Variants in GRIP1 observed in about 807,000 individuals in gnomAD.
GRIP1 encodes the protein glutamate receptor-interacting protein 1.
In GRIP1, 45 loss-of-function variants were observed where a neutral mutation model predicts 129.9. The observed-to-expected ratio is 0.35, with a 90% CI of 0.27 to 0.44. The LOEUF is 0.44. Ranked by LOEUF, GRIP1 falls within the 20% of genes least tolerant of loss-of-function variation. The probability of loss-of-function intolerance (pLI) is 1.00; values close to 1 mark genes in which losing one functional copy is unlikely to be tolerated. For missense variants in GRIP1, 1,196 were observed against 1,396.8 expected (o/e 0.86, Z 2.29); for synonymous variants, 530 against 520.8 (o/e 1.02, Z -0.24).
intron 1 of GRIP1, among the ~76,000 whole-genome samples, chr12:67,051,339 G>A (rs1476947973): frequency 1.3e-5 from 2 of 151,220 alleles, no homozygotes; most frequent in East Asian, 2.0e-4. Flanking sequence ...TTTGCAGAGA[G>A]ATTTTTTTTA....
At chr12:66,543,197 C>T (rs1369335248) in intron 2 of GRIP1, among the ~76,000 whole-genome samples, 1 of 152,090 alleles carries the variant, frequency 6.6e-6, no homozygotes, top group Non-Finnish European at 1.5e-5. Context: ...CTTATTTCCT[C>T]AGCAGCCTAG....
chr12:66,837,530 G>A (rs1344966287), intron 1 of GRIP1, among the ~76,000 whole-genome samples: 5 of 152,164 alleles, frequency 3.3e-5, no homozygotes, highest in African/African-American at 1.2e-4. Context: ...CAGCAAAAGT[G>A]AAATGAGGCT....
chr12:66,890,021 C>G lies in GRIP1; in HGVS notation c.58+179029G>C, dbSNP rs1183896269. Among the ~76,000 whole-genome samples the G allele has an allele frequency of 3.3e-5, 5 of 151,982 alleles. No individual in the cohort carries two copies. The East Asian group carries it at 9.6e-4, about 29-fold the overall frequency. ...CACGGCTCAATGTAGCCTTGACCTC[C>G]CAGGCTCTCAAACTGTCCTCCCAAC... On this transcript the variant is annotated intron_variant, in intron 1 of 1. Transcript: ENST00000643019.
intron 1 of GRIP1, among the ~76,000 whole-genome samples, chr12:67,063,314 T>C (rs1047353672): frequency 1.2e-4 from 18 of 152,204 alleles, no homozygotes; most frequent in African/African-American, 4.1e-4. Flanking sequence ...TTAGTCGCTG[T>C]TGAAATGAAA....
In GRIP1 at chr12:66,709,089, A is replaced by ATAC. The variant is rs537574333; in HGVS notation, c.-419-78756_-419-78754dup. On this transcript the variant is annotated intron_variant, in intron 1 of 4. Coordinates refer to the GRIP1 transcript ENST00000538373. The stretch of plus-strand genomic sequence containing the variant: ...GATAAAAGCTCCCACAGCATTTACT[A>ATAC]TACAGCAAATAAAAAGAAATACTCA... 2.9e-3 allele frequency among the ~76,000 whole-genome samples: 441 copies of ATAC among 152,068 alleles called. 1 individual carries two copies. The highest frequency in any genetic ancestry group is 0.01 in the African/African-American group (424 of 41,538).
chr12:66,363,453 G>A (rs2054935295), intron 23 of GRIP1, among the ~76,000 whole-genome samples: 1 of 141,396 alleles, frequency 7.1e-6, no homozygotes, highest in Admixed American at 7.3e-5. Flanking sequence ...GTCTCACTAT[G>A]TTGCCCATGC....
intron 1 of GRIP1, among the ~76,000 whole-genome samples, chr12:66,901,702 T>G (rs528532862): frequency 4.2e-4 from 64 of 152,326 alleles, no homozygotes; most frequent in African/African-American, 1.4e-3. Flanking sequence ...CTTACTGTTC[T>G]GCAAATGACA....
intron 1 of GRIP1, among the ~76,000 whole-genome samples, chr12:66,618,949 C>T (rs897459016): frequency 6.6e-6 from 1 of 151,940 alleles, no homozygotes. Context: ...CTGAGAAATT[C>T]GAACTCGTAT....
At chr12:66,889,155 A>G (rs973012541) in intron 1 of GRIP1, among the ~76,000 whole-genome samples, 21 of 152,162 alleles carry the variant, frequency 1.4e-4, no homozygotes, top group African/African-American at 4.3e-4. Flanking sequence ...TGGTACATAC[A>G]TTCCTTTTTA....
rs1012771100 is a variant in GRIP1 at position 66,696,729 on chromosome 12, C to T, written c.-419-66393G>A. Among the ~76,000 whole-genome samples, 69 of 148,786 alleles carry T rather than the reference C, an allele frequency of 4.6e-4. 1 individual carries two copies. The highest frequency in any genetic ancestry group is 1.7e-3 in the African/African-American group (67 of 40,122). On this transcript the variant is annotated intron_variant, in intron 1 of 4. Coordinates refer to the GRIP1 transcript ENST00000538373. The stretch of plus-strand genomic sequence containing the variant: ...CTGAGGCAGGAGAATGGCGTGAACC[C>T]GGGAGGCAGAGCTTGCAGTAAGCTG...
At chr12:66,832,841 T>G (rs187681302) in intron 1 of GRIP1, among the ~76,000 whole-genome samples, 1 of 152,322 alleles carries the variant, frequency 6.6e-6, no homozygotes, top group East Asian at 1.9e-4. Context: ...TAAAATACTC[T>G]CTAACAGGTG....
chr12:67,004,823 A>T (rs2042603895), intron 1 of GRIP1, among the ~76,000 whole-genome samples: 1 of 152,182 alleles, frequency 6.6e-6, no homozygotes, highest in South Asian at 2.1e-4. Flanking sequence ...CTGAATGAAT[A>T]TAGAGTATAT....
intron 1 of GRIP1, among the ~76,000 whole-genome samples, chr12:66,660,355 T>A (rs17102792): frequency 3.3e-5 from 5 of 152,266 alleles, no homozygotes; most frequent in African/African-American, 1.2e-4. Flanking sequence ...GGAATATTTA[T>A]CAGATTGTTC....
At chr12:66,488,952 CA>C (rs1325357140) in intron 7 of GRIP1, among the ~76,000 whole-genome samples, 3 of 152,098 alleles carry the variant, frequency 2.0e-5, no homozygotes, top group Non-Finnish European at 4.4e-5. Context: ...AGACCAATAA[CA>C]AGTTCTGAAA....
Position 66,801,306 on chromosome 12 carries a change from A to G in GRIP1, c.-420+2747T>C, listed in dbSNP as rs189347946. The stretch of plus-strand genomic sequence containing the variant: ...GAGTGATGAAAGCAGTTTTTAAAAA[A>G]ATCAAACATGGCCATCTCATGTACA... On this transcript the variant is annotated intron_variant, in intron 1 of 4. Transcript: ENST00000538373. Among the ~76,000 whole-genome samples, 355 of 152,252 alleles carry G rather than the reference A, an allele frequency of 2.3e-3. 1 individual carries two copies. The highest frequency in any genetic ancestry group is 6.8e-3 in the Middle Eastern group (2 of 294).
At chr12:66,466,757 C>T (rs1259986587) in intron 7 of GRIP1, among the ~76,000 whole-genome samples, 1 of 152,192 alleles carries the variant, frequency 6.6e-6, no homozygotes, top group African/African-American at 2.4e-5. Flanking sequence ...TGAGTCATGT[C>T]ATTTTTCAAG....
At chr12:66,735,830 C>A (rs1424260373) in intron 1 of GRIP1, among the ~76,000 whole-genome samples, 1 of 152,122 alleles carries the variant, frequency 6.6e-6, no homozygotes, top group Non-Finnish European at 1.5e-5. Flanking sequence ...AGGTCTTAAT[C>A]ATTTTCAGCC....
rs147440416 is a variant in GRIP1, at chr12:66,480,060, T to A, written c.725-14638A>T. On this transcript the variant is annotated intron_variant, in intron 7 of 24. Transcript: ENST00000359742. The stretch of plus-strand genomic sequence containing the variant: ...CTCCTATTCAACATAGTATTGGAAG[T>A]TCTGGCCAGGGCAATCAGGAAGAGA... 3.7e-3 allele frequency among the ~76,000 whole-genome samples: 568 copies of A among 152,234 alleles called. 7 individuals carry two copies. The highest frequency in any genetic ancestry group is 0.013 in the African/African-American group (529 of 41,536).
chr12:66,457,250 A>C (rs766965962), intron 9 of GRIP1, among the ~76,000 whole-genome samples: 1 of 152,120 alleles, frequency 6.6e-6, no homozygotes, highest in Non-Finnish European at 1.5e-5. Context: ...ATCTTAAAGA[A>C]CTCAAAATAA....
Sources: allele counts gnomAD v4.1 joint callset (sites outside exome capture counted in the v4.1 genomes callset), GRCh38; gene constraint gnomAD v4.1.1; transcripts MANE v1.5; gene names NCBI Gene and HGNC (gene_info 2026-07-23, HGNC 2026-07-21).